SKAP1: variants seen among roughly 807,000 people sequenced by gnomAD.
The protein encoded by SKAP1 is src kinase-associated phosphoprotein 1.
A neutral mutation model predicts 58.5 loss-of-function variants in SKAP1; 44 were observed. The ratio of observed to expected loss-of-function variants is 0.75; its 90% CI spans 0.59 to 0.97. SKAP1 has a LOEUF of 0.97. Ranked by LOEUF, SKAP1 falls within the 50% of genes least tolerant of loss-of-function variation. The pLI is 0.00. For missense variants in SKAP1, 390 were observed against 435.2 expected (o/e 0.90, Z 0.92); for synonymous variants, 127 against 149.7 (o/e 0.85, Z 1.11).
At chr17:48,296,350 A>C (rs1183973321) in intron 4 of SKAP1, among the ~76,000 whole-genome samples, 1 of 152,194 alleles carries the variant, frequency 6.6e-6, no homozygotes, top group African/African-American at 2.4e-5. Context: ...TCACTATTGG[A>C]AAATAGGTTG....
intron 11 of SKAP1, among the ~76,000 whole-genome samples, chr17:48,139,605 A>C (rs1227499815): frequency 6.6e-6 from 1 of 152,228 alleles, no homozygotes; most frequent in Non-Finnish European, 1.5e-5. Context: ...ACAAAACAAA[A>C]GAAGTAAAAC....
the SKAP1 span, among the ~76,000 whole-genome samples, chr17:48,439,329 G>A: frequency 6.6e-6 from 1 of 152,208 alleles, no homozygotes; most frequent in Admixed American, 6.5e-5. Context: ...TCCACTTAAT[G>A]ACAAATTGTA....
intron 3 of SKAP1, among the ~76,000 whole-genome samples, chr17:48,359,818 T>G (rs1016556308): frequency 6.6e-6 from 1 of 152,020 alleles, no homozygotes; most frequent in Non-Finnish European, 1.5e-5. Flanking sequence ...GTTGCCCAGA[T>G]TGATCTCAAA....
At chr17:48,219,914 C>T (rs901954889) in intron 4 of SKAP1, among the ~76,000 whole-genome samples, 4 of 152,166 alleles carry the variant, frequency 2.6e-5, no homozygotes, top group Non-Finnish European at 1.5e-5. Context: ...GATCCACTGG[C>T]AAATGTACAA....
At chr17:48,431,911 G>A (rs2067920676), upstream of SKAP1, among the ~76,000 whole-genome samples, 1 of 152,138 alleles carries the variant, frequency 6.6e-6, no homozygotes, top group African/African-American at 2.4e-5. Flanking sequence ...AAAAGTGCCT[G>A]CCTCCTTGTA....
At chr17:48,182,857 T>C (rs375902382) in intron 7 of SKAP1, among the ~76,000 whole-genome samples, 1 of 152,214 alleles carries the variant, frequency 6.6e-6, no homozygotes, top group African/African-American at 2.4e-5. Context: ...GCACCTGTTG[T>C]TGCCTAGAGT....
chr17:48,292,347 C>A lies in SKAP1; in HGVS notation c.280+53558G>T, dbSNP rs554922039. Among the ~76,000 whole-genome samples the A allele has an allele frequency of 4.5e-4, 68 of 151,798 alleles. 2 individuals are homozygous for A. The South Asian group carries it at 8.7e-3, about 20-fold the overall frequency. ...GATGTGCTAACATTTGTAAAAAAAA[C>A]CAAAAAAACAAAAACACATCGCTTT... On this transcript the variant is annotated intron_variant, in intron 4 of 12. Transcript: ENST00000336915.
At chr17:48,355,189 T>C (rs1032442605) in intron 3 of SKAP1, among the ~76,000 whole-genome samples, 12 of 152,256 alleles carry the variant, frequency 7.9e-5, no homozygotes, top group Admixed American at 3.3e-4. Flanking sequence ...TTCTGTGAAC[T>C]TCTAAAAAGA....
At chr17:48,287,362 A>C (rs1460109958) in intron 4 of SKAP1, among the ~76,000 whole-genome samples, 1 of 150,634 alleles carries the variant, frequency 6.6e-6, no homozygotes, top group Non-Finnish European at 1.5e-5. Context: ...GGGTAATTAC[A>C]TTTTTTTTTA....
At chr17:48,193,115 C>A (rs1314998716) in intron 4 of SKAP1, among the ~76,000 whole-genome samples, 1 of 152,140 alleles carries the variant, frequency 6.6e-6, no homozygotes, top group Non-Finnish European at 1.5e-5. Flanking sequence ...GATCTCAGCT[C>A]ACTGCAACCT....
intron 4 of SKAP1, among the ~76,000 whole-genome samples, chr17:48,343,800 A>AT (rs922971127): frequency 3.3e-5 from 5 of 152,144 alleles, no homozygotes; most frequent in African/African-American, 9.7e-5. Context: ...GTATGAATCT[A>AT]TTTTTTTGGA....
intron 1 of SKAP1, among the ~76,000 whole-genome samples, chr17:48,425,039 C>A (rs539206938): frequency 2.9e-4 from 44 of 152,174 alleles, no homozygotes; most frequent in African/African-American, 8.7e-4. Flanking sequence ...GCAGGCAGAT[C>A]ATGAGGTCAG....
At position 48,180,187 on chromosome 17, in the gene SKAP1, T is replaced by C. The variant is rs1353022346; in HGVS notation, c.693A>G (p.Thr231=). The change falls in exon 9 of 13, where the codon ACA becomes ACG. Residue 231 remains threonine, a synonymous_variant. Coordinates refer to ENST00000336915, the MANE Select transcript of SKAP1 (RefSeq NM_003726.4). ...AGTCAAAACCATCAATATCATCATA[T>C]GTCTCTTCTTTTTCTTCTTCCTCCT... The part of the protein sequence containing the change: ...EDEEEEEKEE[T]YDDIDGFDSP... The C allele has an allele frequency of 1.2e-6, 2 of 1,613,512 alleles. No individual in the cohort carries two copies. Among genetic ancestry groups the C allele is most frequent in the Non-Finnish European group, 1.7e-6 (2 of 1,179,704 alleles).
At chr17:48,381,776 G>A (rs761490840) in intron 2 of SKAP1, among the ~76,000 whole-genome samples, 2 of 152,160 alleles carry the variant, frequency 1.3e-5, no homozygotes, top group Non-Finnish European at 2.9e-5. Flanking sequence ...TAAGTGTATT[G>A]TATAATGATT....
chr17:48,406,360 A>G (rs147989471), intron 1 of SKAP1, among the ~76,000 whole-genome samples: 277 of 152,176 alleles, frequency 1.8e-3, no homozygotes, highest in African/African-American at 6.3e-3. Context: ...ACACTGAATT[A>G]CAGGAAAATC....
chr17:48,262,479 G>A (rs755215253), intron 4 of SKAP1, among the ~76,000 whole-genome samples: 2 of 152,074 alleles, frequency 1.3e-5, no homozygotes, highest in Non-Finnish European at 2.9e-5. Flanking sequence ...ACAAAATTCT[G>A]TCATTCACTG....
At chr17:48,289,660 A>T (rs1445539852) in intron 4 of SKAP1, among the ~76,000 whole-genome samples, 1 of 152,134 alleles carries the variant, frequency 6.6e-6, no homozygotes, top group Non-Finnish European at 1.5e-5. Context: ...AAAAATGAAA[A>T]TACAGAAAAG....
intron 4 of SKAP1, among the ~76,000 whole-genome samples, chr17:48,263,345 T>C (rs1019169386): frequency 6.6e-6 from 1 of 152,220 alleles, no homozygotes; most frequent in East Asian, 1.9e-4. Context: ...ATCTGTTCCA[T>C]ATGAATGTGG....
intron 11 of SKAP1, among the ~76,000 whole-genome samples, chr17:48,158,396 GA>G (rs57510130): frequency 0.72 from 99,820 of 137,946 alleles, 35,521 homozygotes; most frequent in South Asian, 0.82. Context: ...AATACAAAAA[GA>G]AAAAAAAAAA....
Sources: allele counts gnomAD v4.1 joint callset (sites outside exome capture counted in the v4.1 genomes callset), GRCh38; gene constraint gnomAD v4.1.1; transcripts MANE v1.5; gene names NCBI Gene and HGNC (gene_info 2026-07-23, HGNC 2026-07-21).